Variants in ZSCAN9 observed in about 807,000 individuals in gnomAD.
ZSCAN9 encodes the protein zinc finger and SCAN domain containing 9.
ZSCAN9 carries 19 observed loss-of-function variants against 23.0 expected under a neutral mutation model. That is an observed-to-expected ratio of 0.83 (90% CI 0.58 to 1.21). The LOEUF is 1.21. Ranked by LOEUF, ZSCAN9 falls within the 50% of genes most tolerant of loss-of-function variation. The probability of loss-of-function intolerance (pLI) is 0.00; values close to 1 mark genes in which losing one functional copy is unlikely to be tolerated. For missense variants in ZSCAN9, 467 were observed against 471.5 expected, an observed-to-expected ratio of 0.99 and a Z score of 0.09; for synonymous variants, 155 against 164.8, an observed-to-expected ratio of 0.94 and a Z score of 0.46.
At chr6:28,232,172 A>C (rs1760321372) in intron 3 of ZSCAN9, among the ~76,000 whole-genome samples, 1 of 152,172 alleles carries the variant, frequency 6.6e-6, no homozygotes, top group Non-Finnish European at 1.5e-5. Context: ...TCTGTACTAA[A>C]AATACAAAAT....
At chr6:28,230,726 C>T (rs1394569190) in intron 3 of ZSCAN9, among the ~76,000 whole-genome samples, 1 of 152,058 alleles carries the variant, frequency 6.6e-6, no homozygotes, top group Admixed American at 6.6e-5. Context: ...AGAAATGATA[C>T]AGTGTGTTAA....
At position 28,227,162 on chromosome 6, in the gene ZSCAN9, A is replaced by G. The variant is rs1760137499; in HGVS notation, c.78A>G (p.Lys26=). 1 of 1,614,244 alleles carries G rather than the reference A, an allele frequency of 6.2e-7. No individual in the cohort carries two copies. The highest frequency in any genetic ancestry group is 1.3e-5 in the African/African-American group (1 of 75,064). Residue 26 remains lysine (K), a synonymous_variant, in exon 2 of 4, where the codon AAA becomes AAG. Coordinates refer to ENST00000252207, the MANE Select transcript of ZSCAN9 (RefSeq NM_006299.5). ...PEAWEELLTM[K]VEAKSHLQWQ... Reference sequence around the variant, plus strand: ...CATGGGAAGAACTTCTGACAATGAAAGTGGAAGCAAAAAGTCACCTTCAAT... The same window carrying G: ...CATGGGAAGAACTTCTGACAATGAAGGTGGAAGCAAAAAGTCACCTTCAAT...
intron 3 of ZSCAN9, 145 bp from the exon 4 acceptor site, chr6:28,232,412 GTTCCT>G: frequency 7.4e-7 from 1 of 1,357,860 alleles, no homozygotes; most frequent in Non-Finnish European, 9.8e-7. Context: ...GAGGGCAAAC[GTTCCT>G]CCCTACGTAG....
Position 28,232,598 on chromosome 6 carries a change from T to G in ZSCAN9, c.605T>G (p.Leu202Arg), listed in dbSNP as rs1397010584. 1 of 1,614,124 alleles carries G rather than the reference T, an allele frequency of 6.2e-7. No homozygotes were observed. The highest frequency in any genetic ancestry group is 8.5e-7 in the Non-Finnish European group (1 of 1,179,974). Residue 202 changes from leucine (L) to arginine (R), a missense_variant, in exon 4 of 4, where the codon CTA becomes CGA. Transcript: ENST00000252207. ...VTKTEDRELV[L>R]RKDCPKIVEP... is the part of the protein sequence containing the mutation. ...AAGACTGAGGACAGAGAGTTGGTGC[T>G]AAGGAAAGACTGTCCTAAGATAGTG...
intron 3 of ZSCAN9, chr6:28,228,040 C>T: frequency 5.6e-6 from 4 of 719,476 alleles, no homozygotes; most frequent in Middle Eastern, 2.3e-4. Flanking sequence ...ACCCTGGAAG[C>T]TTTCTGGACT....
chr6:28,227,902 A>G (rs770436486), intron 3 of ZSCAN9, 65 bp downstream of exon 3: 1 of 1,585,570 alleles, frequency 6.3e-7, no homozygotes, highest in Non-Finnish European at 8.6e-7. Context: ...CAAACAATAA[A>G]CCCAGAGCTG....
chr6:28,225,784 CCCTTTTCCTTAGTT>C lies in ZSCAN9; in HGVS notation c.-74+420_-74+433del, dbSNP rs1427630703. On this transcript the variant is annotated intron_variant, in intron 1 of 3. Coordinates refer to ENST00000252207, the MANE Select transcript of ZSCAN9 (RefSeq NM_006299.5). ...GCGCAGAATGTAGCAGTTCCCGATT[CCCTTTTCCTTAGTT>C]CATTGATTCTCAAACCTTATAATAC... 5.3e-5 allele frequency among the ~76,000 whole-genome samples: 8 copies of C among 152,130 alleles called. No homozygotes were observed. In the East Asian group the frequency reaches 7.7e-4, roughly 15 times the overall value.
rs1026278801 is a variant in ZSCAN9 at position 28,232,519 on chromosome 6, C to T, written c.569-43C>T. ...AGACATAGTCACCTTCCCATAGGCT[C>T]AGGGAACAAGTGACATTTACCTAGC... On this transcript the variant is annotated intron_variant, in intron 3 of 3. Transcript: ENST00000252207. The T allele has an allele frequency of 3.8e-6, 6 of 1,568,874 alleles. No homozygotes were observed. In the African/African-American group the frequency reaches 5.5e-5, roughly 14 times the overall value.
intron 3 of ZSCAN9, 52 bp from the exon 4 acceptor site, chr6:28,232,510 C>T: frequency 6.4e-7 from 1 of 1,557,096 alleles, no homozygotes; most frequent in Non-Finnish European, 8.7e-7. Flanking sequence ...AGTCACCTTC[C>T]CATAGGCTCA....
chr6:28,229,638 A>T (rs114282057), intron 3 of ZSCAN9, among the ~76,000 whole-genome samples: 5 of 152,332 alleles, frequency 3.3e-5, no homozygotes, highest in Middle Eastern at 3.4e-3. Flanking sequence ...CAGCTTTTCA[A>T]ATTCTTAGCC....
At chr6:28,232,026 A>T (rs1042991578) in intron 3 of ZSCAN9, among the ~76,000 whole-genome samples, 1 of 152,122 alleles carries the variant, frequency 6.6e-6, no homozygotes, top group Non-Finnish European at 1.5e-5. Flanking sequence ...ATCCCTCCCT[A>T]TGAAGTATAA....
At chr6:28,232,482 A>G (rs1760339822) in intron 3 of ZSCAN9, 80 bp from the exon 4 acceptor site, 2 of 1,522,814 alleles carry the variant, frequency 1.3e-6, no homozygotes, top group Non-Finnish European at 1.8e-6. Flanking sequence ...CTTTTCTATG[A>G]TATATTTTTA....
chr6:28,227,418 G>C lies in ZSCAN9; in HGVS notation c.334G>C (p.Val112Leu). The C allele has an allele frequency of 2.5e-6, 4 of 1,614,222 alleles. No individual in the cohort carries two copies. The highest frequency in any genetic ancestry group is 3.4e-6 in the Non-Finnish European group (4 of 1,180,034). ...SILPKELQGWVREHCPESGEE... is the reference protein window; with the variant it reads ...SILPKELQGWLREHCPESGEE... ...TCTGCCCAAGGAGCTCCAGGGCTGGGTGAGGGAACACTGTCCAGAGAGTGG... is the reference window on the plus strand; with the variant it reads ...TCTGCCCAAGGAGCTCCAGGGCTGGCTGAGGGAACACTGTCCAGAGAGTGG... Residue 112 changes from valine (V) to leucine (L), a missense_variant, in exon 2 of 4, where the codon GTG (valine) becomes CTG (leucine). Transcript: ENST00000252207.
intron 2 of ZSCAN9, 61 bp from the exon 3 acceptor site, chr6:28,227,629 G>A (rs1158418040): frequency 6.3e-7 from 1 of 1,579,044 alleles, no homozygotes; most frequent in Admixed American, 2.1e-5. Context: ...TTCTTTCTTG[G>A]AAGTGTTTAT....
intron 3 of ZSCAN9, among the ~76,000 whole-genome samples, chr6:28,231,637 C>T (rs927787566): frequency 1.3e-5 from 2 of 151,898 alleles, no homozygotes; most frequent in Non-Finnish European, 2.9e-5. Flanking sequence ...GCCTGTAGTC[C>T]CAGCTACTCG....
intron 3 of ZSCAN9, 162 bp downstream of exon 3, chr6:28,227,999 C>T (rs1309555911): frequency 1.1e-6 from 1 of 871,460 alleles, no homozygotes; most frequent in Non-Finnish European, 1.9e-6. Flanking sequence ...TTTGACCCTT[C>T]TCCCTGCGTG....
Position 28,227,852 on chromosome 6 carries a change from T to G in ZSCAN9, c.568+15T>G. On this transcript the variant is annotated intron_variant, in intron 3 of 3. Transcript: ENST00000252207. Reference sequence around the variant, plus strand: ...TGGAGAGACAGGTGAGGGACAGCATTTATTTGATGTTGAACGAATCCCACC... The same window carrying G: ...TGGAGAGACAGGTGAGGGACAGCATGTATTTGATGTTGAACGAATCCCACC... 1.9e-6 allele frequency: 3 copies of G among 1,613,070 alleles called. No homozygotes were observed. Among genetic ancestry groups the G allele is most frequent in the Non-Finnish European group, 2.5e-6 (3 of 1,179,754 alleles).
chr6:28,227,815 G>T lies in ZSCAN9; in HGVS notation c.546G>T (p.Lys182Asn). Residue 182 changes from lysine (K) to asparagine (N), a missense_variant, in exon 3 of 4, where the codon AAG becomes AAT. Transcript: ENST00000252207. ...AGCTCACATGTGACTCTGCTCAGAA[G>T]TGCCATTCTATTGGAGAGACAGGTG... The part of the protein sequence containing the change: ...EPQLTCDSAQ[K>N]CHSIGETDEV... 3 of 1,613,666 alleles carry T rather than the reference G, an allele frequency of 1.9e-6. No individual in the cohort carries two copies. In the South Asian group the frequency reaches 3.3e-5, roughly 18 times the overall value.
In ZSCAN9 at chr6:28,233,218, T is replaced by G. The variant is rs755103180; in HGVS notation, c.*40T>G. ...CAAGTTTTCCAGATCACCACCCAAG[T>G]TGTGTGGGGCAGGTTGAGACTAGAA... is the stretch of plus-strand genomic sequence containing the variant. On this transcript the variant is annotated 3_prime_UTR_variant, in exon 4 of 4. Coordinates refer to ENST00000252207, the MANE Select transcript of ZSCAN9 (RefSeq NM_006299.5). The G allele has an allele frequency of 6.3e-7, 1 of 1,589,756 alleles. No individual in the cohort carries two copies. The highest frequency in any genetic ancestry group is 1.1e-5 in the South Asian group (1 of 87,672).
Sources: allele counts gnomAD v4.1 joint callset (sites outside exome capture counted in the v4.1 genomes callset), GRCh38; gene constraint gnomAD v4.1.1; transcripts MANE v1.5; gene names NCBI Gene and HGNC (gene_info 2026-07-23, HGNC 2026-07-21).